The following HCN1 variants were observed in gnomAD, a reference collection of about 807,000 sequenced individuals.
The protein encoded by HCN1 is potassium/sodium hyperpolarization-activated cyclic nucleotide-gated channel 1.
In HCN1, 13 loss-of-function variants were observed where a neutral mutation model predicts 78.9. The ratio of observed to expected loss-of-function variants is 0.16; its 90% CI spans 0.11 to 0.26. The LOEUF is 0.26. Ranked by LOEUF, HCN1 falls within the 10% of genes least tolerant of loss-of-function variation. HCN1 has a pLI of 1.00. For missense variants in HCN1, 810 were observed against 1,154.3 expected (o/e 0.70, Z 4.32); for synonymous variants, 552 against 455.5 (o/e 1.21, Z -2.70).
intron 2 of HCN1, among the ~76,000 whole-genome samples, chr5:45,639,701 AC>A (rs1260493346): frequency 6.6e-6 from 1 of 152,146 alleles, no homozygotes; most frequent in Admixed American, 6.6e-5. Flanking sequence ...GCAAAGATAA[AC>A]CTTTTTTTAG....
rs530763432 is a variant in HCN1, at chr5:45,323,763, G to T, written c.1378-19924C>A. Among the ~76,000 whole-genome samples, 3 of 151,802 alleles carry T rather than the reference G, an allele frequency of 2.0e-5. No individual in the cohort carries two copies. In the South Asian group the frequency reaches 6.2e-4, roughly 32 times the overall value. On this transcript the variant is annotated intron_variant, in intron 5 of 7. Coordinates refer to ENST00000303230, the MANE Select transcript of HCN1 (RefSeq NM_021072.4). ...CGGTGTGTGATGTTCCCCTTCCTGT[G>T]TCTCTGTGTTCTCATTGTTCAGTTC...
At chr5:45,376,731 A>C (rs1747687387) in intron 4 of HCN1, among the ~76,000 whole-genome samples, 1 of 151,908 alleles carries the variant, frequency 6.6e-6, no homozygotes, top group Non-Finnish European at 1.5e-5. Context: ...TCTTAATACC[A>C]TTCAGCAATT....
intron 3 of HCN1, among the ~76,000 whole-genome samples, chr5:45,429,161 A>G (rs1000004371): frequency 6.6e-6 from 1 of 152,226 alleles, no homozygotes; most frequent in African/African-American, 2.4e-5. Flanking sequence ...CACAGAATTT[A>G]TAAGAAATGA....
chr5:45,350,587 C>G (rs559035763), intron 5 of HCN1, among the ~76,000 whole-genome samples: 2 of 151,338 alleles, frequency 1.3e-5, no homozygotes, highest in South Asian at 4.2e-4. Flanking sequence ...GTCAAATTGT[C>G]CCTGTTTGCA....
chr5:45,570,405 G>T (rs777123051), intron 2 of HCN1, among the ~76,000 whole-genome samples: 26 of 151,930 alleles, frequency 1.7e-4, no homozygotes, highest in Non-Finnish European at 3.5e-4. Flanking sequence ...TATTAGGCAG[G>T]CCAATTGATT....
Position 45,460,747 on chromosome 5 carries a change from A to T in HCN1, c.1011+1099T>A, listed in dbSNP as rs1229349892. The stretch of plus-strand genomic sequence containing the variant: ...GAAGGAGGACAATAGGGAAGAAGAT[A>T]GAAAAGGAAGAAAAGAAGACAATAC... On this transcript the variant is annotated intron_variant, in intron 3 of 7. Coordinates refer to ENST00000303230, the MANE Select transcript of HCN1 (RefSeq NM_021072.4). Among the ~76,000 whole-genome samples, 46 of 152,026 alleles carry T rather than the reference A, an allele frequency of 3.0e-4. 1 individual carries two copies. The highest frequency in any genetic ancestry group is 3.0e-3 in the Admixed American group (46 of 15,222).
At chr5:45,447,791 C>T (rs1740830107) in intron 3 of HCN1, among the ~76,000 whole-genome samples, 1 of 151,936 alleles carries the variant, frequency 6.6e-6, no homozygotes, top group Non-Finnish European at 1.5e-5. Flanking sequence ...CTAAGGTTCA[C>T]CTCAAAAAGG....
chr5:45,603,321 A>C (rs1744662467), intron 2 of HCN1, among the ~76,000 whole-genome samples: 1 of 152,102 alleles, frequency 6.6e-6, no homozygotes, highest in Non-Finnish European at 1.5e-5. Context: ...TGGCTAGAAC[A>C]ATTGCCAGTA....
chr5:45,261,834 GATCT>G lies in HCN1; in HGVS notation c.*83_*86del. On this transcript the variant is annotated 3_prime_UTR_variant, in exon 8 of 8. Coordinates refer to ENST00000303230, the MANE Select transcript of HCN1 (RefSeq NM_021072.4). ...ATATCTCTTCATAGTAGGCTAGAGG[GATCT>G]ATCAGGAGATAGAATAAAATAAGAT... 10 of 1,461,992 alleles carry G rather than the reference GATCT, an allele frequency of 6.8e-6. No individual in the cohort carries two copies. The highest frequency in any genetic ancestry group is 9.5e-6 in the Non-Finnish European group (10 of 1,047,554). The allele number at this position is 1,461,992 out of a possible 1,614,324, so 90.6% of individuals were successfully genotyped here.
intron 2 of HCN1, among the ~76,000 whole-genome samples, chr5:45,500,132 G>A (rs536156358): frequency 6.6e-6 from 1 of 152,126 alleles, no homozygotes; most frequent in South Asian, 2.1e-4. Flanking sequence ...CAACAATATA[G>A]ATGCCATGAC....
chr5:45,382,873 A>G (rs1159600887), intron 4 of HCN1, among the ~76,000 whole-genome samples: 2 of 152,186 alleles, frequency 1.3e-5, no homozygotes, highest in Non-Finnish European at 2.9e-5. Flanking sequence ...TTATGATTAA[A>G]TGGGGGACTT....
At chr5:45,376,163 T>C (rs1747650706) in intron 4 of HCN1, among the ~76,000 whole-genome samples, 4 of 28,096 alleles carry the variant, frequency 1.4e-4, no homozygotes, top group East Asian at 7.8e-4. Flanking sequence ...TATAATATTT[T>C]ATAATATATA....
rs147720932 is a variant in HCN1, at chr5:45,668,366, A to C, written c.426-22758T>G. On this transcript the variant is annotated intron_variant, in intron 1 of 7. Coordinates refer to ENST00000303230, the MANE Select transcript of HCN1 (RefSeq NM_021072.4). ...AGTTCTCACAAGATCTGATGGTTTA[A>C]AAGTGTAGCACCTCCTCCCTCAATC... is the stretch of plus-strand genomic sequence containing the variant. Among the ~76,000 whole-genome samples, 79 of 151,846 alleles carry C rather than the reference A, an allele frequency of 5.2e-4. No homozygotes were observed. The East Asian group carries it at 0.014, about 26-fold the overall frequency.
At chr5:45,342,344 C>T (rs192083071) in intron 5 of HCN1, among the ~76,000 whole-genome samples, 1 of 151,632 alleles carries the variant, frequency 6.6e-6, no homozygotes, top group East Asian at 1.9e-4. Context: ...ATTCCCCTGC[C>T]TTAGCCTCCC....
chr5:45,628,138 G>A (rs1300350269), intron 2 of HCN1, among the ~76,000 whole-genome samples: 3 of 152,128 alleles, frequency 2.0e-5, no homozygotes, highest in African/African-American at 7.2e-5. Context: ...ACAATAAATT[G>A]CCAAGCAACT....
At chr5:45,520,652 T>C (rs1294333357) in intron 2 of HCN1, among the ~76,000 whole-genome samples, 1 of 152,078 alleles carries the variant, frequency 6.6e-6, no homozygotes. Flanking sequence ...AAAGTTTCTC[T>C]TTTGTAAACA....
At chr5:45,664,892 G>A (rs967060417) in intron 1 of HCN1, among the ~76,000 whole-genome samples, 18 of 152,032 alleles carry the variant, frequency 1.2e-4, no homozygotes, top group South Asian at 4.1e-4. Flanking sequence ...TCAGTGTGGC[G>A]ATTCCTCAGG....
chr5:45,283,134 TAA>T (rs1161655626), intron 6 of HCN1, among the ~76,000 whole-genome samples: 1 of 152,150 alleles, frequency 6.6e-6, no homozygotes. Flanking sequence ...TCGAAATTAT[TAA>T]AGAGAATAGT....
At chr5:45,473,784 ATCT>A (rs1741457003) in intron 2 of HCN1, among the ~76,000 whole-genome samples, 1 of 151,634 alleles carries the variant, frequency 6.6e-6, no homozygotes, top group African/African-American at 2.4e-5. Context: ...AGTTACCTAC[ATCT>A]TCTTCACTTT....
Sources: allele counts gnomAD v4.1 joint callset (sites outside exome capture counted in the v4.1 genomes callset), GRCh38; gene constraint gnomAD v4.1.1; transcripts MANE v1.5; gene names NCBI Gene and HGNC (gene_info 2026-07-23, HGNC 2026-07-21).